RGPD2: variants seen among roughly 807,000 people sequenced by gnomAD.
RGPD2 encodes the protein RANBP2-like and GRIP domain-containing protein 2.
RGPD2 carries 2 observed loss-of-function variants against 36.0 expected under a neutral mutation model. The ratio of observed to expected loss-of-function variants is 0.06; its 90% CI spans 0.02 to 0.17. RGPD2 has a LOEUF of 0.17. RGPD2 is among the 10% of genes least tolerant of loss of function. The pLI, the probability that RGPD2 is intolerant of heterozygous loss-of-function variation, is 1.00. For missense variants in RGPD2, 40 were observed against 464.3 expected (o/e 0.09, Z 8.40); for synonymous variants, 19 against 163.8 (o/e 0.12, Z 6.75).
At chr2:87,864,437 C>T in the RGPD2 span, among the ~76,000 whole-genome samples, 1 of 152,252 alleles carries the variant, frequency 6.6e-6, no homozygotes, top group African/African-American at 2.4e-5. Context: ...ATGCTCAGGC[C>T]TTTGGACTTG....
chr2:87,930,828 T>A, the RGPD2 span, among the ~76,000 whole-genome samples: 1 of 117,200 alleles, frequency 8.5e-6, no homozygotes, highest in Non-Finnish European at 1.9e-5. Context: ...ATCCATTTCT[T>A]CCAGTTTTTT....
chr2:87,984,095 A>AAAAC, the RGPD2 span, among the ~76,000 whole-genome samples: 1 of 127,572 alleles, frequency 7.8e-6, no homozygotes, highest in Non-Finnish European at 1.7e-5. Flanking sequence ...AAATATGAAT[A>AAAAC]AAAAAATAAG....
chr2:87,878,208 C>T, the RGPD2 span, among the ~76,000 whole-genome samples: 19,664 of 134,866 alleles, frequency 0.15, no homozygotes, highest in African/African-American at 0.28. Context: ...ATATTTCATG[C>T]GACTTTTTTC....
Position 87,756,563 on chromosome 2 carries a change from A to C in RGPD2, c.*829T>G, listed in dbSNP as rs1684728767. The C allele has an allele frequency of 2.8e-6, 1 of 355,240 alleles. No homozygotes were observed. The highest frequency in any genetic ancestry group is 2.1e-5 in the African/African-American group (1 of 47,106). 22.0% of individuals were successfully genotyped at this position (355,240 alleles called of 1,614,324 possible). ...CTATGATGGCCAAGCCTCTGGCTGC[A>C]CTGTGCCCCGTGTGTCCCCAGCATC... is the stretch of plus-strand genomic sequence containing the variant. On this transcript the variant is annotated 3_prime_UTR_variant, in exon 23 of 23. Coordinates refer to ENST00000398146, the MANE Select transcript of RGPD2 (RefSeq NM_001078170.3).
chr2:87,961,745 C>T, the RGPD2 span, among the ~76,000 whole-genome samples: 15 of 144,174 alleles, frequency 1.0e-4, no homozygotes, highest in Middle Eastern at 3.7e-3. Context: ...GTCAGTCCTG[C>T]GGGTGGAACA....
chr2:87,967,372 C>T, the RGPD2 span, among the ~76,000 whole-genome samples: 1 of 149,892 alleles, frequency 6.7e-6, no homozygotes, highest in Non-Finnish European at 1.5e-5. Flanking sequence ...TGCGCCACTG[C>T]ACCTCCAGCC....
At chr2:87,879,042 G>A in the RGPD2 span, among the ~76,000 whole-genome samples, 586 of 117,164 alleles carry the variant, frequency 5.0e-3, no homozygotes, top group Admixed American at 9.5e-3. Context: ...AATAAACATG[G>A]GTGTGCAGAA....
chr2:87,958,157 T>C, the RGPD2 span, among the ~76,000 whole-genome samples: 1 of 152,110 alleles, frequency 6.6e-6, no homozygotes, highest in Non-Finnish European at 1.5e-5. Flanking sequence ...ATTTAAACTC[T>C]AAACAGACTC....
At chr2:87,988,603 C>G in the RGPD2 span, among the ~76,000 whole-genome samples, 1 of 143,932 alleles carries the variant, frequency 6.9e-6, no homozygotes, top group Non-Finnish European at 1.5e-5. Context: ...TGCAGTGGCA[C>G]GATCTTGGCT....
chr2:87,882,608 AT>A, the RGPD2 span, among the ~76,000 whole-genome samples: 1 of 151,228 alleles, frequency 6.6e-6, no homozygotes, highest in African/African-American at 2.5e-5. Context: ...GAATTTTAGG[AT>A]TTTTTCTAGT....
At chr2:87,986,890 A>AT in the RGPD2 span, among the ~76,000 whole-genome samples, 1 of 150,762 alleles carries the variant, frequency 6.6e-6, no homozygotes, top group African/African-American at 2.4e-5. Context: ...AAAAAAAAAA[A>AT]ATCACTATGA....
intron 22 of RGPD2, among the ~76,000 whole-genome samples, chr2:87,769,282 TAAAGAG>T (rs1685044396): frequency 6.6e-6 from 1 of 151,638 alleles, no homozygotes; most frequent in Non-Finnish European, 1.5e-5. Context: ...TTCTCTCTCT[TAAAGAG>T]AAAATGTAAG....
the RGPD2 span, among the ~76,000 whole-genome samples, chr2:87,939,973 A>C: frequency 1.3e-5 from 2 of 152,124 alleles, no homozygotes; most frequent in Non-Finnish European, 2.9e-5. Flanking sequence ...TCGCATTTCA[A>C]AGAAAAACAA....
the RGPD2 span, among the ~76,000 whole-genome samples, chr2:87,843,666 A>G: frequency 1.3e-5 from 2 of 152,030 alleles, no homozygotes; most frequent in African/African-American, 2.4e-5. Flanking sequence ...ATTCCTCAGG[A>G]ATCTAGAACT....
the RGPD2 span, among the ~76,000 whole-genome samples, chr2:87,870,219 G>A: frequency 6.6e-6 from 1 of 152,266 alleles, no homozygotes; most frequent in Admixed American, 6.5e-5. Context: ...GACTGCCAGG[G>A]CCAGGGCTAG....
At chr2:87,969,166 G>C in the RGPD2 span, among the ~76,000 whole-genome samples, 1 of 150,522 alleles carries the variant, frequency 6.6e-6, no homozygotes, top group Non-Finnish European at 1.5e-5. Flanking sequence ...CAGTTCTCCT[G>C]CCTCAGCCTG....
At chr2:87,864,566 CATAG>C in the RGPD2 span, among the ~76,000 whole-genome samples, 20 of 151,054 alleles carry the variant, frequency 1.3e-4, no homozygotes, top group African/African-American at 4.4e-4. Flanking sequence ...TATAGCTAGA[CATAG>C]ATAGATGATA....
At chr2:87,967,324 T>C in the RGPD2 span, among the ~76,000 whole-genome samples, 3,246 of 107,274 alleles carry the variant, frequency 0.03, 2 homozygotes, top group East Asian at 0.076. Flanking sequence ...AGGACAACAG[T>C]GTGAACCCGG....
the RGPD2 span, among the ~76,000 whole-genome samples, chr2:87,843,658 T>G: frequency 2.6e-5 from 4 of 151,832 alleles, no homozygotes; most frequent in African/African-American, 9.7e-5. Context: ...GTGTGGCAAT[T>G]CCTCAGGAAT....
Sources: gnomAD v4.1 joint callset for allele counts (sites outside exome capture counted in the v4.1 genomes callset) on GRCh38, gnomAD v4.1.1 for gene constraint, MANE v1.5 for transcripts, NCBI Gene and HGNC (gene_info 2026-07-23, HGNC 2026-07-21) for gene names.